Variants in MBNL1 observed in about 807,000 individuals in gnomAD.
MBNL1 encodes muscleblind like splicing regulator 1, also known as muscleblind-like protein 1.
A neutral mutation model predicts 42.2 loss-of-function variants in MBNL1; 8 were observed. That is an observed-to-expected ratio of 0.19 (90% CI 0.11 to 0.34). The LOEUF (loss-of-function observed/expected upper bound fraction) is 0.34. Among genes scored for constraint, MBNL1 ranks in the 10% least tolerant of loss-of-function variants. The probability of loss-of-function intolerance (pLI) is 1.00; values close to 1 mark genes in which losing one functional copy is unlikely to be tolerated. For missense variants in MBNL1, 309 were observed against 495.3 expected, an observed-to-expected ratio of 0.62 and a Z score of 3.57; for synonymous variants, 169 against 173.9, an observed-to-expected ratio of 0.97 and a Z score of 0.22.
chr3:152,332,735 T>TGCGCGC (rs548290388), intron 2 of MBNL1, among the ~76,000 whole-genome samples: 14 of 119,730 alleles, frequency 1.2e-4, no homozygotes, highest in South Asian at 2.7e-4. Flanking sequence ...TGTGTGTGTG[T>TGCGCGC]GTGTGCGCGC....
rs763828262 is a variant in MBNL1 at position 152,300,143 on chromosome 3, G to A, written c.-51G>A. On this transcript the variant is annotated 5_prime_UTR_variant, in exon 2 of 10. Transcript: ENST00000324210. ...TTGGTTGTTGCTCTTTTTTGGGGGGGTTGGGTTTGTTGGTTTCACTGAAAC... is the reference window on the plus strand; with the variant it reads ...TTGGTTGTTGCTCTTTTTTGGGGGGATTGGGTTTGTTGGTTTCACTGAAAC... 8 of 1,271,344 alleles carry A rather than the reference G, an allele frequency of 6.3e-6. No homozygotes were observed. In the Admixed American group the frequency reaches 1.2e-4, roughly 19 times the overall value. 78.8% of individuals were successfully genotyped at this position (1,271,344 alleles called of 1,614,324 possible).
At chr3:152,412,002 T>A (rs1366020956) in intron 2 of MBNL1, among the ~76,000 whole-genome samples, 1 of 152,202 alleles carries the variant, frequency 6.6e-6, no homozygotes, top group Admixed American at 6.5e-5. Flanking sequence ...ATTCATTCAT[T>A]CTGTGAATGT....
intron 2 of MBNL1, among the ~76,000 whole-genome samples, chr3:152,365,400 A>G (rs2096289564): frequency 6.6e-6 from 1 of 152,154 alleles, no homozygotes; most frequent in African/African-American, 2.4e-5. Flanking sequence ...AAGGCAAAAT[A>G]ACTCACCTAT....
At chr3:152,255,908 C>T (rs974835427) in intron 2 of MBNL1, among the ~76,000 whole-genome samples, 4 of 152,276 alleles carry the variant, frequency 2.6e-5, no homozygotes, top group African/African-American at 7.2e-5. Flanking sequence ...CCAGAATGAG[C>T]TTGGCATATC....
chr3:152,382,319 T>G (rs542679496), intron 2 of MBNL1, among the ~76,000 whole-genome samples: 18 of 152,152 alleles, frequency 1.2e-4, no homozygotes, highest in African/African-American at 4.1e-4. Flanking sequence ...ATAATAAATA[T>G]AAGAGTACAT....
chr3:152,312,116 CG>C (rs1473623291), intron 2 of MBNL1, among the ~76,000 whole-genome samples: 1 of 143,840 alleles, frequency 7.0e-6, no homozygotes, highest in Non-Finnish European at 1.5e-5. Flanking sequence ...GGCGTGAACC[CG>C]GGAGGCGGAG....
intron 4 of MBNL1, among the ~76,000 whole-genome samples, chr3:152,435,815 G>A (rs557969444): frequency 5.3e-5 from 8 of 152,192 alleles, no homozygotes; most frequent in Non-Finnish European, 8.8e-5. Flanking sequence ...ATTGTGAATG[G>A]GAATGCACTC....
rs200984773 is a variant in MBNL1, at chr3:152,262,029, A to T, written n.333+17589A>T. 3.9e-5 allele frequency among the ~76,000 whole-genome samples: 6 copies of T among 152,072 alleles called. No individual in the cohort carries two copies. The East Asian group carries it at 5.8e-4, about 15-fold the overall frequency. On this transcript the variant is annotated intron_variant and non_coding_transcript_variant, in intron 2 of 2. Transcript: ENST00000477171. ...TTTGCTACGCTCTTTTCCAACTGTG[A>T]TTTTTCCCTCACGTCTGTCCCCAAC...
chr3:152,428,441 C>T (rs1362491883), intron 3 of MBNL1, among the ~76,000 whole-genome samples: 1 of 152,242 alleles, frequency 6.6e-6, no homozygotes, highest in East Asian at 1.9e-4. Flanking sequence ...AGAAAAACCC[C>T]TTTATAGTTA....
chr3:152,355,972 C>A (rs2095487125), intron 2 of MBNL1, among the ~76,000 whole-genome samples: 1 of 152,118 alleles, frequency 6.6e-6, no homozygotes, highest in Non-Finnish European at 1.5e-5. Context: ...GGCCTTATAC[C>A]TTACTAGAAC....
intron 2 of MBNL1, among the ~76,000 whole-genome samples, chr3:152,348,777 T>C (rs2094582278): frequency 6.6e-6 from 1 of 152,078 alleles, no homozygotes; most frequent in South Asian, 2.1e-4. Context: ...TAATGATTAT[T>C]AAAGGAAGAC....
chr3:152,371,128 G>A (rs1008037130), intron 2 of MBNL1, among the ~76,000 whole-genome samples: 7 of 152,172 alleles, frequency 4.6e-5, no homozygotes, highest in African/African-American at 1.7e-4. Context: ...TTTTGCAGTG[G>A]CTGGTACTGC....
intron 2 of MBNL1, among the ~76,000 whole-genome samples, chr3:152,306,814 G>T (rs1224574883): frequency 1.3e-5 from 2 of 152,092 alleles, no homozygotes; most frequent in African/African-American, 4.8e-5. Flanking sequence ...GGTAAGGGAG[G>T]TGGTTGAAGA....
intron 2 of MBNL1, among the ~76,000 whole-genome samples, chr3:152,389,684 A>C (rs979520976): frequency 1.6e-4 from 25 of 152,170 alleles, no homozygotes; most frequent in African/African-American, 5.5e-4. Flanking sequence ...TTACACCTGT[A>C]TAGTATATTT....
chr3:152,400,965 A>G (rs116416994), intron 2 of MBNL1, among the ~76,000 whole-genome samples: 165 of 152,368 alleles, frequency 1.1e-3, no homozygotes, highest in African/African-American at 3.6e-3. Flanking sequence ...AGCCATCATT[A>G]GAATCATCTG....
intron 2 of MBNL1, among the ~76,000 whole-genome samples, chr3:152,260,770 A>G (rs17283597): frequency 0.086 from 13,026 of 152,218 alleles, 690 homozygotes; most frequent in Middle Eastern, 0.15. Flanking sequence ...TTTTAATCCT[A>G]TGGACCACTA....
chr3:152,403,221 T>G (rs991894342), intron 2 of MBNL1, among the ~76,000 whole-genome samples: 3 of 152,144 alleles, frequency 2.0e-5, no homozygotes, highest in African/African-American at 7.2e-5. Flanking sequence ...AAAAACTGTG[T>G]TGCCATGGCT....
At chr3:152,250,545 T>G (rs1253489521) in intron 2 of MBNL1, among the ~76,000 whole-genome samples, 1 of 152,114 alleles carries the variant, frequency 6.6e-6, no homozygotes, top group Admixed American at 6.6e-5. Flanking sequence ...TTTCTAGATA[T>G]ACAATCAAGT....
chr3:152,307,450 G>T (rs556006731), intron 2 of MBNL1, among the ~76,000 whole-genome samples: 2 of 152,050 alleles, frequency 1.3e-5, no homozygotes, highest in Non-Finnish European at 2.9e-5. Context: ...TATTTTTTCC[G>T]TATGGAGTAA....
Sources: allele counts gnomAD v4.1 joint callset (sites outside exome capture counted in the v4.1 genomes callset), GRCh38; gene constraint gnomAD v4.1.1; transcripts MANE v1.5; gene names NCBI Gene and HGNC (gene_info 2026-07-23, HGNC 2026-07-21).